The following DISC1 variants were observed in gnomAD, a reference collection of about 807,000 sequenced individuals.
The protein encoded by DISC1 is disrupted in schizophrenia 1 protein.
Under a neutral mutation model 84.5 loss-of-function variants are expected in DISC1, and 57 were observed. The observed-to-expected ratio is 0.67, with a 90% confidence interval of 0.55 to 0.84. The LOEUF (loss-of-function observed/expected upper bound fraction) is 0.84. DISC1 is among the 40% of genes least tolerant of loss of function. The probability of loss-of-function intolerance (pLI) is 0.00; values close to 1 mark genes in which losing one functional copy is unlikely to be tolerated. For missense variants in DISC1, 1,000 were observed against 1,057.8 expected, an observed-to-expected ratio of 0.95 and a Z score of 0.76; for synonymous variants, 411 against 415.2, an observed-to-expected ratio of 0.99 and a Z score of 0.12.
At chr1:231,837,433 G>A (rs1042549223) in intron 9 of DISC1, among the ~76,000 whole-genome samples, 1 of 152,070 alleles carries the variant, frequency 6.6e-6, no homozygotes, top group Admixed American at 6.6e-5. Context: ...CATGATATAT[G>A]GGCATAGAAG....
intron 7 of DISC1, among the ~76,000 whole-genome samples, chr1:231,799,083 C>A (rs2125632382): frequency 6.6e-6 from 1 of 152,058 alleles, no homozygotes; most frequent in Middle Eastern, 3.4e-3. Flanking sequence ...GATGTTTTAG[C>A]CTCCAACAAA....
chr1:231,866,629 T>G (rs1297753699), intron 9 of DISC1: 15 of 1,586,160 alleles, frequency 9.5e-6, no homozygotes, highest in Non-Finnish European at 1.3e-5. Context: ...GAGTCTGACT[T>G]CAGCCCCCAG....
chr1:231,781,192 G>A (rs1422022725), intron 6 of DISC1, among the ~76,000 whole-genome samples: 3 of 134,046 alleles, frequency 2.2e-5, no homozygotes, highest in Admixed American at 7.7e-5. Flanking sequence ...GCAGCCTCAG[G>A]AAAAAAAAAA....
intron 10 of DISC1, among the ~76,000 whole-genome samples, chr1:232,008,493 A>G (rs1049750089): frequency 6.6e-6 from 1 of 152,276 alleles, no homozygotes; most frequent in Admixed American, 6.5e-5. Flanking sequence ...GGTAACACAT[A>G]TATGAGCAGA....
chr1:231,780,247 A>AAG (rs1415821031), intron 6 of DISC1, among the ~76,000 whole-genome samples: 5 of 151,278 alleles, frequency 3.3e-5, no homozygotes, highest in African/African-American at 1.2e-4. Flanking sequence ...TAAAAAAAAA[A>AAG]AAAAGAAAAG....
intron 6 of DISC1, among the ~76,000 whole-genome samples, chr1:231,779,855 G>T (rs2077266026): frequency 6.6e-6 from 1 of 151,860 alleles, no homozygotes; most frequent in South Asian, 2.1e-4. Flanking sequence ...CACCCTGCCG[G>T]CCTTGGTCAA....
chr1:231,939,040 GC>G (rs34471346), intron 9 of DISC1, among the ~76,000 whole-genome samples: 7 of 152,158 alleles, frequency 4.6e-5, no homozygotes, highest in Admixed American at 1.3e-4. Flanking sequence ...TAAGATGACA[GC>G]CCCCCTCCTA....
In DISC1 at chr1:232,037,971, CAGTA is replaced by C. The variant is rs71162209; in HGVS notation, c.*1143_*1146del. 20,669 of 151,188 alleles carry C rather than the reference CAGTA, an allele frequency of 0.14. 1,522 individuals carry two copies. Among genetic ancestry groups the C allele is most frequent in the South Asian group, 0.21 (1,002 of 4,708 alleles). The allele number at this position is 151,188 out of a possible 1,614,324, so 9.4% of individuals were successfully genotyped here. The stretch of plus-strand genomic sequence containing the variant: ...CAGTACTCAGTAACAGTGCAGTACT[CAGTA>C]AGGCAGTGCAGTACTCAGTAACACA... On this transcript the variant is annotated 3_prime_UTR_variant, in exon 13 of 13. Transcript: ENST00000439617.
chr1:231,956,647 T>C lies in DISC1; in HGVS notation c.1982-2181T>C, dbSNP rs529185049. Among the ~76,000 whole-genome samples, 3 of 152,320 alleles carry C rather than the reference T, an allele frequency of 2.0e-5. No homozygotes were observed. The South Asian group carries it at 6.2e-4, about 32-fold the overall frequency. On this transcript the variant is annotated intron_variant, in intron 9 of 12. Transcript: ENST00000439617. ...TGCAACAAAACATCCCCAAACTTAA[T>C]GACTTAACATCACCATTAATTATGT...
intron 11 of DISC1, among the ~76,000 whole-genome samples, chr1:232,010,534 G>A (rs1182564925): frequency 6.6e-6 from 1 of 152,166 alleles, no homozygotes; most frequent in Non-Finnish European, 1.5e-5. Context: ...CCTTTCTCCT[G>A]TAGCGGAGAA....
chr1:231,961,515 A>G (rs1660377572), intron 10 of DISC1, among the ~76,000 whole-genome samples: 1 of 152,170 alleles, frequency 6.6e-6, no homozygotes, highest in African/African-American at 2.4e-5. Flanking sequence ...CCCTGGAATT[A>G]GTTTTCAACC....
intron 9 of DISC1, among the ~76,000 whole-genome samples, chr1:231,952,697 A>ATATATATATATGTATATGTT: frequency 9.2e-6 from 1 of 108,342 alleles, no homozygotes; most frequent in East Asian, 5.4e-4. Flanking sequence ...ATGTTTATAT[A>ATATATATATATGTATATGTT]TATATATATA....
chr1:231,644,413 A>G (rs989211203), intron 1 of DISC1, among the ~76,000 whole-genome samples: 1 of 152,158 alleles, frequency 6.6e-6, no homozygotes, highest in Non-Finnish European at 1.5e-5. Flanking sequence ...TCGCCAGCTC[A>G]TTTGCTGTTA....
In DISC1 at chr1:232,026,420, T is replaced by C. The variant is rs1558848929; in HGVS notation, c.2308-15T>C. ...ACGGCACTAACAAGTGATCTTGTTT[T>C]CCCCCTCTCGCCAGGAATCTTACAT... On this transcript the variant is annotated splice_polypyrimidine_tract_variant and intron_variant, in intron 11 of 12. Transcript: ENST00000439617. 3.2e-6 allele frequency: 5 copies of C among 1,557,558 alleles called. No homozygotes were observed. Among genetic ancestry groups the C allele is most frequent in the Non-Finnish European group, 4.4e-6 (5 of 1,140,816 alleles).
chr1:231,744,198 TG>T (rs1481934243), intron 3 of DISC1, among the ~76,000 whole-genome samples: 1 of 152,182 alleles, frequency 6.6e-6, no homozygotes, highest in East Asian at 1.9e-4. Flanking sequence ...GGATAATGTT[TG>T]TATTGCACAC....
intron 4 of DISC1, among the ~76,000 whole-genome samples, chr1:231,765,513 T>A (rs2076108340): frequency 6.6e-6 from 1 of 152,252 alleles, no homozygotes; most frequent in African/African-American, 2.4e-5. Flanking sequence ...CCACTTGTCG[T>A]TCGCCTATTA....
At chr1:231,973,450 G>A (rs1558797195) in intron 10 of DISC1, among the ~76,000 whole-genome samples, 1 of 152,224 alleles carries the variant, frequency 6.6e-6, no homozygotes, top group Non-Finnish European at 1.5e-5. Flanking sequence ...GGGCTTACTG[G>A]TCCAAGAGTA....
At chr1:231,999,141 G>A (rs986197126) in intron 10 of DISC1, among the ~76,000 whole-genome samples, 1 of 152,052 alleles carries the variant, frequency 6.6e-6, no homozygotes, top group East Asian at 1.9e-4. Flanking sequence ...AAAATAAAAT[G>A]TTTAAAAAGT....
intron 6 of DISC1, among the ~76,000 whole-genome samples, chr1:231,785,452 GTAT>G (rs528991467): frequency 1.3e-5 from 2 of 151,108 alleles, no homozygotes; most frequent in Admixed American, 6.6e-5. Context: ...GCTAATTTTT[GTAT>G]TATTATTATT....
Sources: gnomAD v4.1 joint callset for allele counts (sites outside exome capture counted in the v4.1 genomes callset) on GRCh38, gnomAD v4.1.1 for gene constraint, MANE v1.5 for transcripts, NCBI Gene and HGNC (gene_info 2026-07-23, HGNC 2026-07-21) for gene names.